Variants in RYR3 observed in about 807,000 individuals in gnomAD.
RYR3 encodes ryanodine receptor 3.
A neutral mutation model predicts 584.3 loss-of-function variants in RYR3; 207 were observed. The ratio of observed to expected loss-of-function variants is 0.35; its 90% confidence interval spans 0.32 to 0.40. The LOEUF is 0.40. Among genes scored for constraint, RYR3 ranks in the 10% least tolerant of loss-of-function variants. RYR3 has a pLI of 1.00. For missense variants in RYR3, 5,616 were observed against 6,089.2 expected (o/e 0.92, Z 2.59); for synonymous variants, 2,416 against 2,248.5 (o/e 1.07, Z -2.11).
intron 98 of RYR3, chr15:33,855,783 TTGACTC>T (rs1340633992): frequency 1.2e-4 from 19 of 152,268 alleles, no homozygotes; most frequent in Admixed American, 1.1e-3. Flanking sequence ...AATCAAGAAA[TTGACTC>T]TGACAATATA....
At chr15:33,855,385 G>A (rs932464850) in intron 98 of RYR3, among the ~76,000 whole-genome samples, 1 of 152,148 alleles carries the variant, frequency 6.6e-6, no homozygotes, top group African/African-American at 2.4e-5. Context: ...TGTATTTTTA[G>A]TAGAGACGGG....
At chr15:33,816,007 A>G (rs182062652) in intron 74 of RYR3, 17 of 397,118 alleles carry the variant, frequency 4.3e-5, no homozygotes, top group African/African-American at 2.7e-4. Context: ...TAACGTTACC[A>G]TAAGAACACG....
intron 81 of RYR3, among the ~76,000 whole-genome samples, chr15:33,824,254 C>T (rs141812442): frequency 1.3e-5 from 2 of 152,166 alleles, no homozygotes; most frequent in African/African-American, 4.8e-5. Context: ...CTTGGAGAGA[C>T]AGGTGATATA....
At chr15:33,599,439 A>G (rs545474486) in intron 16 of RYR3, among the ~76,000 whole-genome samples, 1 of 152,200 alleles carries the variant, frequency 6.6e-6, no homozygotes, top group African/African-American at 2.4e-5. Context: ...CTCAATATAT[A>G]TAAGAAGTAC....
rs1219337532 is a variant in RYR3 at position 33,866,035 on chromosome 15, G to C, written c.*809G>C. ...ATGGTCCCTTGTAAGTAGTGGAGCT[G>C]CTCTGTTTAGGTGAATCTCCTCAAA... is the stretch of plus-strand genomic sequence containing the variant. On this transcript the variant is annotated 3_prime_UTR_variant, in exon 104 of 104. Transcript: ENST00000634891. 6.5e-6 allele frequency: 1 copy of C among 153,840 alleles called. No homozygotes were observed. The highest frequency in any genetic ancestry group is 1.5e-5 in the Non-Finnish European group (1 of 68,906). 9.5% of individuals were successfully genotyped at this position (153,840 alleles called of 1,614,324 possible).
intron 52 of RYR3, among the ~76,000 whole-genome samples, chr15:33,743,934 G>C (rs1339430690): frequency 6.6e-6 from 1 of 152,192 alleles, no homozygotes; most frequent in East Asian, 1.9e-4. Flanking sequence ...CTATTCTGAA[G>C]ACAATGGTCA....
chr15:33,323,245 G>T (rs1023975549), intron 1 of RYR3, among the ~76,000 whole-genome samples: 13 of 152,052 alleles, frequency 8.5e-5, no homozygotes, highest in African/African-American at 2.9e-4. Context: ...CCGAGTAGCT[G>T]GGACTACAGG....
At chr15:33,657,061 A>G (rs1411037047) in intron 32 of RYR3, among the ~76,000 whole-genome samples, 2 of 151,936 alleles carry the variant, frequency 1.3e-5, no homozygotes, top group Non-Finnish European at 2.9e-5. Context: ...CACACCACCA[A>G]TTGCCCATTT....
At chr15:33,383,726 A>AG (rs1448018521) in intron 1 of RYR3, among the ~76,000 whole-genome samples, 1 of 152,094 alleles carries the variant, frequency 6.6e-6, no homozygotes, top group African/African-American at 2.4e-5. Context: ...AGCAGTCCCC[A>AG]GGGGCTACCA....
intron 1 of RYR3, among the ~76,000 whole-genome samples, chr15:33,411,556 T>C (rs973433140): frequency 2.0e-5 from 3 of 152,248 alleles, no homozygotes; most frequent in Non-Finnish European, 4.4e-5. Context: ...ATGTGCTATC[T>C]TCCCAGTCAA....
At chr15:33,663,454 C>A in intron 35 of RYR3, 83 bp from the exon 36 acceptor site, 1 of 1,172,582 alleles carries the variant, frequency 8.5e-7, no homozygotes. Context: ...GTCTAAGTCT[C>A]AGTGCTACTG....
chr15:33,573,271 G>A (rs962565752), intron 12 of RYR3, among the ~76,000 whole-genome samples: 1 of 152,128 alleles, frequency 6.6e-6, no homozygotes, highest in Non-Finnish European at 1.5e-5. Flanking sequence ...TTTTGTGATA[G>A]CTAGGAAGTG....
Position 33,827,217 on chromosome 15 carries a change from G to A in RYR3, c.11264G>A (p.Arg3755Gln), listed in dbSNP as rs767795631. 1.0e-5 allele frequency: 16 copies of A among 1,551,826 alleles called. No homozygotes were observed. Among genetic ancestry groups the A allele is most frequent in the African/African-American group, 2.7e-5 (2 of 73,032 alleles). The change falls in exon 85 of 104, where the codon CGG becomes CAG. Residue 3755 changes from arginine (R) to glutamine (Q), a missense_variant. Physicochemically the swap from Arg to Gln is conservative, Grantham distance 43. Around this residue, in one of 9 missense-constraint regions of RYR3, gnomAD observed 954 missense variants for 1,132.2 expected, o/e 0.84. Coordinates refer to ENST00000634891, the MANE Select transcript of RYR3 (RefSeq NM_001036.6). ...GHNSDFQNFL[R>Q]TQMGNTTTVN... ...CTCTCAGACTTTCAGAACTTCCTGC[G>A]GACTCAGATGGGCAACACCACCACC...
chr15:33,601,304 C>T (rs2059648837), intron 16 of RYR3, 115 bp from the exon 17 acceptor site: 2 of 1,054,828 alleles, frequency 1.9e-6, no homozygotes, highest in African/African-American at 3.2e-5. Flanking sequence ...AGCTGGCTCT[C>T]TACCCGTCAC....
chr15:33,800,735 A>T (rs756689163), intron 67 of RYR3, 35 bp from the exon 68 acceptor site: 1 of 1,469,944 alleles, frequency 6.8e-7, no homozygotes, highest in South Asian at 1.1e-5. Context: ...TCTCTACTGA[A>T]TTTCAAATGC....
At chr15:33,476,885 C>T (rs908339957) in intron 2 of RYR3, among the ~76,000 whole-genome samples, 21 of 152,166 alleles carry the variant, frequency 1.4e-4, no homozygotes, top group African/African-American at 5.1e-4. Flanking sequence ...TGTCACCATT[C>T]CTGGGAGCAG....
chr15:33,570,068 A>C (rs1163065956), intron 12 of RYR3, among the ~76,000 whole-genome samples: 1 of 152,038 alleles, frequency 6.6e-6, no homozygotes. Context: ...TTGAAGCACA[A>C]ACGTTTTAAT....
Position 33,746,076 on chromosome 15 carries a change from T to C in RYR3, c.7908T>C (p.Ser2636=), listed in dbSNP as rs1431425430. The C allele has an allele frequency of 1.3e-6, 2 of 1,592,834 alleles. No homozygotes were observed. The highest frequency in any genetic ancestry group is 1.7e-6 in the Non-Finnish European group (2 of 1,168,816). ...HDKWACDKSQ[S]GWKYGISLDE... Reference sequence around the variant, plus strand: ...TGAGAACATTTCTACAGAGTCAGAGTGGATGGAAATATGGGATTTCCCTGG... The same window carrying C: ...TGAGAACATTTCTACAGAGTCAGAGCGGATGGAAATATGGGATTTCCCTGG... Residue 2636 remains serine, a synonymous_variant, in exon 53 of 104, where the codon AGT becomes AGC. Transcript: ENST00000634891.
At chr15:33,538,657 G>GT (rs2055542029) in intron 5 of RYR3, among the ~76,000 whole-genome samples, 1 of 152,106 alleles carries the variant, frequency 6.6e-6, no homozygotes. Context: ...CACCAGTCCC[G>GT]TTTTCAACCC....
Sources: gnomAD v4.1 joint callset for allele counts (sites outside exome capture counted in the v4.1 genomes callset) on GRCh38, gnomAD v4.1.1 for gene constraint, gnomAD v4.1.1 regional missense constraint, MANE v1.5 for transcripts, NCBI Gene and HGNC (gene_info 2026-07-23, HGNC 2026-07-21) for gene names.